Variants in LRP6 observed in about 807,000 individuals in gnomAD.
The protein encoded by LRP6 is low-density lipoprotein receptor-related protein 6.
In LRP6, 43 loss-of-function variants were observed where a neutral mutation model predicts 184.1. The ratio of observed to expected loss-of-function variants is 0.23; its 90% CI spans 0.18 to 0.30. The LOEUF (loss-of-function observed/expected upper bound fraction) is 0.30. Among genes scored for constraint, LRP6 ranks in the 10% least tolerant of loss-of-function variants. LRP6 has a pLI of 1.00. For missense variants in LRP6, 1,571 were observed against 2,005.3 expected, an observed-to-expected ratio of 0.78 and a Z score of 4.14; for synonymous variants, 719 against 684.9, an observed-to-expected ratio of 1.05 and a Z score of -0.78.
chr12:12,249,659 T>G (rs1865273150), intron 1 of LRP6, among the ~76,000 whole-genome samples: 1 of 148,592 alleles, frequency 6.7e-6, no homozygotes, highest in Admixed American at 6.7e-5. Flanking sequence ...AATATATAAG[T>G]TGTGCTATAA....
intron 3 of LRP6, among the ~76,000 whole-genome samples, chr12:12,187,808 G>C (rs757128502): frequency 3.7e-4 from 56 of 152,140 alleles, no homozygotes; most frequent in Admixed American, 2.2e-3. Flanking sequence ...AGACAAAGCA[G>C]ATCCAAAATT....
At chr12:12,202,749 G>C (rs964826899) in intron 3 of LRP6, among the ~76,000 whole-genome samples, 2 of 152,124 alleles carry the variant, frequency 1.3e-5, no homozygotes, top group African/African-American at 4.8e-5. Flanking sequence ...TCCATTAGCA[G>C]GACTTGGGGC....
At chr12:12,240,848 T>G (rs960161577) in intron 2 of LRP6, among the ~76,000 whole-genome samples, 1 of 152,148 alleles carries the variant, frequency 6.6e-6, no homozygotes, top group South Asian at 2.1e-4. Context: ...AGCAGCCACA[T>G]AGGAATCACC....
chr12:12,223,288 C>T (rs1864537893), intron 2 of LRP6, among the ~76,000 whole-genome samples: 1 of 152,100 alleles, frequency 6.6e-6, no homozygotes, highest in Admixed American at 6.5e-5. Context: ...AATGAACATC[C>T]TACAAGTCTT....
At chr12:12,155,302 T>A in intron 12 of LRP6, 1 of 754,870 alleles carries the variant, frequency 1.3e-6, no homozygotes, top group Middle Eastern at 2.6e-4. Context: ...ACCCGATACG[T>A]GTTCTCTAGG....
intron 2 of LRP6, among the ~76,000 whole-genome samples, chr12:12,230,167 T>C (rs1864745227): frequency 6.6e-6 from 1 of 152,186 alleles, no homozygotes. Context: ...AGTAAACATA[T>C]ATTAAGTTTT....
At chr12:12,222,482 G>A (rs564172689) in intron 2 of LRP6, among the ~76,000 whole-genome samples, 12 of 151,428 alleles carry the variant, frequency 7.9e-5, no homozygotes, top group South Asian at 6.3e-4. Context: ...CAGGAGAATC[G>A]CTTGAATCCA....
At chr12:12,231,925 G>A (rs891164195) in intron 2 of LRP6, among the ~76,000 whole-genome samples, 3 of 151,816 alleles carry the variant, frequency 2.0e-5, no homozygotes, top group African/African-American at 7.3e-5. Flanking sequence ...TAAGATGGGA[G>A]GATTGCTTGA....
At chr12:12,175,011 T>C (rs1030178458) in intron 7 of LRP6, among the ~76,000 whole-genome samples, 3 of 152,210 alleles carry the variant, frequency 2.0e-5, no homozygotes, top group African/African-American at 7.2e-5. Flanking sequence ...TCTCTCTTTT[T>C]ATCTATACTA....
At chr12:12,152,102 T>C (rs532071089) in intron 12 of LRP6, among the ~76,000 whole-genome samples, 119 of 152,236 alleles carry the variant, frequency 7.8e-4, no homozygotes, top group African/African-American at 2.6e-3. Flanking sequence ...GGTAATTGAA[T>C]CATGGGGGCC....
chr12:12,132,893 G>A (rs1949777552), intron 17 of LRP6, among the ~76,000 whole-genome samples: 1 of 152,142 alleles, frequency 6.6e-6, no homozygotes, highest in African/African-American at 2.4e-5. Context: ...TTGAAAGAAT[G>A]ACTGACAGGT....
chr12:12,120,011 AT>A lies in LRP6; in HGVS notation c.*1114del, dbSNP rs1949579484. 1 of 98,914 alleles carries A rather than the reference AT, an allele frequency of 1.0e-5. No homozygotes were observed. Among genetic ancestry groups the A allele is most frequent in the African/African-American group, 3.7e-5 (1 of 27,302 alleles). The allele number at this position is 98,914 out of a possible 1,614,324, so 6.1% of individuals were successfully genotyped here. ...ACAAAATATATATATATATATATAT[AT>A]ATATATATATATATATATATATATA... On this transcript the variant is annotated 3_prime_UTR_variant, in exon 23 of 23. Coordinates refer to ENST00000261349, the MANE Select transcript of LRP6 (RefSeq NM_002336.3).
intron 7 of LRP6, among the ~76,000 whole-genome samples, chr12:12,174,106 TAATC>T (rs1369466602): frequency 1.3e-5 from 2 of 152,012 alleles, no homozygotes; most frequent in Non-Finnish European, 2.9e-5. Flanking sequence ...AACTGAAGTA[TAATC>T]AATCTTTCTT....
chr12:12,244,171 T>G, intron 2 of LRP6, 91 bp downstream of exon 2: 1 of 1,309,566 alleles, frequency 7.6e-7, no homozygotes, highest in Non-Finnish European at 1.1e-6. Flanking sequence ...TTTTCGATCT[T>G]TCTTTTCTCA....
At chr12:12,217,747 T>C (rs1252029780) in intron 2 of LRP6, among the ~76,000 whole-genome samples, 1 of 152,182 alleles carries the variant, frequency 6.6e-6, no homozygotes, top group Non-Finnish European at 1.5e-5. Context: ...TTATGGTCGA[T>C]TGACTTTCAA....
At chr12:12,256,383 C>T (rs1177270551) in intron 1 of LRP6, among the ~76,000 whole-genome samples, 1 of 151,778 alleles carries the variant, frequency 6.6e-6, no homozygotes, top group Non-Finnish European at 1.5e-5. Flanking sequence ...CATGGTGAAA[C>T]CCCATCTCTA....
intron 3 of LRP6, among the ~76,000 whole-genome samples, chr12:12,193,804 A>T (rs990055202): frequency 6.6e-6 from 1 of 152,088 alleles, no homozygotes; most frequent in Non-Finnish European, 1.5e-5. Flanking sequence ...CTGGTCACAC[A>T]CTTTTCCAGA....
chr12:12,238,158 C>T (rs1004785956), intron 2 of LRP6, among the ~76,000 whole-genome samples: 2 of 149,736 alleles, frequency 1.3e-5, no homozygotes, highest in South Asian at 4.2e-4. Flanking sequence ...CCTCAATTAA[C>T]ATGTTAAACT....
At chr12:12,223,799 T>C (rs1268371872) in intron 2 of LRP6, among the ~76,000 whole-genome samples, 1 of 152,198 alleles carries the variant, frequency 6.6e-6, no homozygotes, top group African/African-American at 2.4e-5. Context: ...TCTAATCCTT[T>C]ACCACATGGA....
Sources: gnomAD v4.1 joint callset for allele counts (sites outside exome capture counted in the v4.1 genomes callset) on GRCh38, gnomAD v4.1.1 for gene constraint, MANE v1.5 for transcripts, NCBI Gene and HGNC (gene_info 2026-07-23, HGNC 2026-07-21) for gene names.